The following ZFP92 variants were observed in gnomAD, a reference collection of about 807,000 sequenced individuals.
ZFP92 encodes zinc finger protein 92 homolog.
In ZFP92, 2 loss-of-function variants were observed where a neutral mutation model predicts 7.6. The observed-to-expected ratio is 0.26, with a 90% CI of 0.11 to 0.83. The LOEUF is 0.83. ZFP92 is among the 40% of genes least tolerant of loss of function. The pLI, the probability that ZFP92 is intolerant of heterozygous loss-of-function variation, is 0.65. For synonymous variants in ZFP92, 226 were observed against 183.6 expected, an observed-to-expected ratio of 1.23 and a Z score of -1.87; for missense variants, 324 against 408.3, an observed-to-expected ratio of 0.79 and a Z score of 1.78.
rs1556974729 is a variant in ZFP92, at chrX:153,420,665, G to A, written c.288G>A (p.Thr96=). Residue 96 remains threonine (T), a synonymous_variant, in exon 6 of 6, where the codon ACG becomes ACA. Transcript: ENST00000338647. ...CAGGTGACAGAACACAGAGCAAGAC[G>A]TCGACTTCAACGCAGAAGCATTCTG... ...LHIGDRTQSK[T]STSTQKHSGR... is the part of the protein sequence containing the mutation. 5 of 1,114,384 alleles carry A rather than the reference G, an allele frequency of 4.5e-6. No individual in the cohort carries two copies. In the South Asian group the frequency reaches 8.8e-5, roughly 20 times the overall value. The allele number at this position is 1,114,384 out of a possible 1,213,427, so 91.8% of individuals were successfully genotyped here.
rs933099989 is a variant in ZFP92, at chrX:153,418,761, G to A, written c.122G>A (p.Arg41Gln). 1.9e-4 allele frequency: 219 copies of A among 1,166,117 alleles called. No individual in the cohort carries two copies. The highest frequency in any genetic ancestry group is 2.2e-4 in the Non-Finnish European group (196 of 872,819). Residue 41 changes from arginine to glutamine, a missense_variant, in exon 4 of 6, where the codon CGG becomes CAG. Coordinates refer to ENST00000338647, the MANE Select transcript of ZFP92 (RefSeq NM_001136273.2). ...LDLRQKVLYK[R>Q]VMLENYSHLV... ...CTCAGACAAAAGGTCCTCTACAAGCGGGTGATGCTGGAGAACTATAGCCAT... is the reference window on the plus strand; with the variant it reads ...CTCAGACAAAAGGTCCTCTACAAGCAGGTGATGCTGGAGAACTATAGCCAT...
At chrX:153,418,459 G>C (rs782171835) in intron 3 of ZFP92, 104 bp downstream of exon 3, 1 of 1,058,526 alleles carries the variant, frequency 9.4e-7, no homozygotes, top group African/African-American at 1.9e-5. Context: ...GCTGCCCTTA[G>C]CATCGTTTTC....
At chrX:153,414,071 C>T (rs1270389380) in intron 2 of ZFP92, among the ~76,000 whole-genome samples, 1 of 112,681 alleles carries the variant, frequency 8.9e-6, no homozygotes, top group Non-Finnish European at 1.9e-5. Flanking sequence ...ACTCCTCCCC[C>T]TTTCAACTTG....
At chrX:153,419,656 T>A (rs964512983) in intron 4 of ZFP92, among the ~76,000 whole-genome samples, 2 of 111,711 alleles carry the variant, frequency 1.8e-5, no homozygotes, top group Non-Finnish European at 3.8e-5. Flanking sequence ...ATCCAGAGGG[T>A]CTTCAACATT....
Position 153,420,736 on chromosome X carries a change from A to G in ZFP92, c.359A>G (p.Gln120Arg), listed in dbSNP as rs1451961058. Residue 120 changes from glutamine to arginine, a missense_variant, in exon 6 of 6, where the codon CAG (glutamine) becomes CGG (arginine). Gln to Arg is a conservative substitution (Grantham distance 43). Coordinates refer to ENST00000338647, the MANE Select transcript of ZFP92 (RefSeq NM_001136273.2). Reference protein sequence around the residue: ...GADPQGGKEGQAARSSVLQRG... With the variant: ...GADPQGGKEGRAARSSVLQRG... ...GATCCACAAGGTGGCAAGGAGGGGC[A>G]GGCGGCGAGGTCGTCTGTGCTCCAG... 2 of 1,157,045 alleles carry G rather than the reference A, an allele frequency of 1.7e-6. No homozygotes were observed. The highest frequency in any genetic ancestry group is 2.3e-6 in the Non-Finnish European group (2 of 865,988).
At chrX:153,412,728 G>A (rs1006103314) in intron 2 of ZFP92, among the ~76,000 whole-genome samples, 1 of 111,601 alleles carries the variant, frequency 9.0e-6, no homozygotes, top group African/African-American at 3.3e-5. Flanking sequence ...AGCAGAGGGA[G>A]GTGCAGAGGT....
chrX:153,425,680 G>T lies in ZFP92; in HGVS notation c.*4052G>T, dbSNP rs2089038048. ...ATGACGCTGAGGCAACATGAGAGGGGACGTCTTTGACACCAGGGCCCCAGC... is the reference window on the plus strand; with the variant it reads ...ATGACGCTGAGGCAACATGAGAGGGTACGTCTTTGACACCAGGGCCCCAGC... On this transcript the variant is annotated 3_prime_UTR_variant, in exon 6 of 6. Coordinates refer to ENST00000338647, the MANE Select transcript of ZFP92 (RefSeq NM_001136273.2). 1 of 111,247 alleles carries T rather than the reference G, an allele frequency of 9.0e-6. No individual in the cohort carries two copies. The highest frequency in any genetic ancestry group is 1.9e-5 in the Non-Finnish European group (1 of 52,980). 9.2% of individuals were successfully genotyped at this position (111,247 alleles called of 1,213,427 possible).
chrX:153,420,105 A>T, intron 4 of ZFP92, 123 bp from the exon 5 acceptor site: 1 of 540,145 alleles, frequency 1.9e-6, no homozygotes, highest in Non-Finnish European at 2.9e-6. Context: ...GAGCCTTCCC[A>T]GTAGTGCTTT....
Position 153,420,247 on chromosome X carries a change from T to C in ZFP92, c.180T>C (p.Pro60=). ...LVSLGFSFSK[P]HLISQLERGE... ...GCCCAGGATTTTCCTTCTCCAAGCCTCACCTGATCTCCCAATTGGAACGAG... is the reference window on the plus strand; with the variant it reads ...GCCCAGGATTTTCCTTCTCCAAGCCCCACCTGATCTCCCAATTGGAACGAG... The change falls in exon 5 of 6, where the codon CCT becomes CCC. Residue 60 remains proline, a synonymous_variant. Transcript: ENST00000338647. The C allele has an allele frequency of 9.4e-6, 11 of 1,167,300 alleles. No individual in the cohort carries two copies. The highest frequency in any genetic ancestry group is 3.3e-5 in the East Asian group (1 of 30,754).
At position 153,420,926 on chromosome X, in the gene ZFP92, C is replaced by T; in HGVS notation, c.549C>T (p.Pro183=). ...IHSGEKPYAC[P]ECGKLFRRSF... is the part of the protein sequence containing the mutation. Reference sequence around the variant, plus strand: ...GTGGCGAGAAGCCTTACGCGTGCCCCGAGTGCGGCAAGCTGTTTCGCCGCA... The same window carrying T: ...GTGGCGAGAAGCCTTACGCGTGCCCTGAGTGCGGCAAGCTGTTTCGCCGCA... Residue 183 remains proline (P), a synonymous_variant, in exon 6 of 6, where the codon CCC becomes CCT. Coordinates refer to ENST00000338647, the MANE Select transcript of ZFP92 (RefSeq NM_001136273.2). 3.4e-6 allele frequency: 4 copies of T among 1,189,334 alleles called. No individual in the cohort carries two copies. In the South Asian group the frequency reaches 5.5e-5, roughly 16 times the overall value.
chrX:153,417,879 T>C (rs2088965943), intron 2 of ZFP92, among the ~76,000 whole-genome samples: 1 of 111,668 alleles, frequency 9.0e-6, no homozygotes, highest in East Asian at 2.8e-4. Context: ...AATCCAGTGA[T>C]TGGCATTCAC....
intron 2 of ZFP92, among the ~76,000 whole-genome samples, chrX:153,416,814 C>A (rs1256715170): frequency 9.0e-6 from 1 of 111,722 alleles, no homozygotes; most frequent in African/African-American, 3.3e-5. Flanking sequence ...CAAGACTGGG[C>A]GTCTGCATCT....
chrX:153,420,287 G>A lies in ZFP92; in HGVS notation c.220G>A (p.Val74Ile), dbSNP rs1556974665. Residue 74 changes from valine to isoleucine, a missense_variant, in exon 5 of 6, where the codon GTA (valine) becomes ATA (isoleucine). Coordinates refer to ENST00000338647, the MANE Select transcript of ZFP92 (RefSeq NM_001136273.2). Reference protein sequence around the residue: ...SQLERGEGPWVADIPRTWATA... With the variant: ...SQLERGEGPWIADIPRTWATA... ...ATTGGAACGAGGGGAAGGACCCTGG[G>A]TAGCAGACATCCCCAGAACCTGGGC... is the stretch of plus-strand genomic sequence containing the variant. 3 of 1,167,786 alleles carry A rather than the reference G, an allele frequency of 2.6e-6. No homozygotes were observed. Among genetic ancestry groups the A allele is most frequent in the Admixed American group, 2.6e-5 (1 of 38,735 alleles).
In ZFP92 at chrX:153,418,702, G is replaced by A. The variant is rs1556974360; in HGVS notation, c.63G>A (p.Val21=). The A allele has an allele frequency of 8.6e-7, 1 of 1,167,865 alleles. No homozygotes were observed. The highest frequency in any genetic ancestry group is 1.8e-5 in the African/African-American group (1 of 56,201). Residue 21 remains valine (V), a synonymous_variant, in exon 4 of 6, where the codon GTG becomes GTA. Coordinates refer to ENST00000338647, the MANE Select transcript of ZFP92 (RefSeq NM_001136273.2). The part of the protein sequence containing the change: ...KVPVSFEDVS[V]YFTKTEWKLL... Reference sequence around the variant, plus strand: ...CAGTATCTTTTGAGGATGTGTCCGTGTACTTCACAAAGACAGAATGGAAGC... The same window carrying A: ...CAGTATCTTTTGAGGATGTGTCCGTATACTTCACAAAGACAGAATGGAAGC...
Position 153,420,253 on chromosome X carries a change from G to T in ZFP92, c.186G>T (p.Leu62=). Reference sequence around the variant, plus strand: ...GATTTTCCTTCTCCAAGCCTCACCTGATCTCCCAATTGGAACGAGGGGAAG... The same window carrying T: ...GATTTTCCTTCTCCAAGCCTCACCTTATCTCCCAATTGGAACGAGGGGAAG... ...SLGFSFSKPH[L]ISQLERGEGP... Residue 62 remains leucine (L), a synonymous_variant, in exon 5 of 6, where the codon CTG becomes CTT. Transcript: ENST00000338647. 1 of 1,167,590 alleles carries T rather than the reference G, an allele frequency of 8.6e-7. No homozygotes were observed.
At chrX:153,411,873 C>T (rs2088910548) in intron 1 of ZFP92, among the ~76,000 whole-genome samples, 92 bp from the exon 2 acceptor site, 1 of 40,622 alleles carries the variant, frequency 2.5e-5, no homozygotes, top group East Asian at 8.6e-4. Context: ...GGGGCCGCCC[C>T]GTACCAGGGG....
rs1309636435 is a variant in ZFP92 at position 153,420,162 on chromosome X, C to T, written c.161-66C>T. 7.1e-6 allele frequency: 6 copies of T among 848,449 alleles called. No homozygotes were observed. In the Admixed American group the frequency reaches 2.1e-4, roughly 29 times the overall value. The allele number at this position is 848,449 out of a possible 1,213,427, so 69.9% of individuals were successfully genotyped here. A position where few individuals can be genotyped will look rare whatever the true frequency, so the allele number is the denominator to read the frequency against. Reference sequence around the variant, plus strand: ...GTTACCTGAAGATATTGAGAATTGCCTGAGTTCAGGAGCGACCCTGCCCTC... The same window carrying T: ...GTTACCTGAAGATATTGAGAATTGCTTGAGTTCAGGAGCGACCCTGCCCTC... On this transcript the variant is annotated intron_variant, in intron 4 of 5. Transcript: ENST00000338647.
In ZFP92 at chrX:153,420,528, G is replaced by C. The variant is rs192637144; in HGVS notation, c.266-115G>C. On this transcript the variant is annotated intron_variant, in intron 5 of 5. Coordinates refer to ENST00000338647, the MANE Select transcript of ZFP92 (RefSeq NM_001136273.2). ...CTTCATCTCTCCTGTCTGCCTGTGT[G>C]ATGGCTTTCTGTTCTGTGGTCACCT... The C allele has an allele frequency of 1.6e-5, 17 of 1,041,242 alleles. No individual in the cohort carries two copies. The African/African-American group carries it at 2.9e-4, about 18-fold the overall frequency. 85.8% of individuals were successfully genotyped at this position (1,041,242 alleles called of 1,213,427 possible).
rs1266877376 is a variant in ZFP92 at position 153,418,663 on chromosome X, C to T, written c.34-10C>T. The T allele has an allele frequency of 2.6e-6, 3 of 1,165,593 alleles. No individual in the cohort carries two copies. Among genetic ancestry groups the T allele is most frequent in the African/African-American group, 1.8e-5 (1 of 55,574 alleles). On this transcript the variant is annotated splice_polypyrimidine_tract_variant and intron_variant, in intron 3 of 5. Transcript: ENST00000338647. ...AATTCCCCTGTGGCCACAAGAATGC[C>T]TTATTTTAGGTGCCAGTATCTTTTG...
Sources: gnomAD v4.1 joint callset for allele counts (sites outside exome capture counted in the v4.1 genomes callset) on GRCh38, gnomAD v4.1.1 for gene constraint, MANE v1.5 for transcripts, NCBI Gene and HGNC (gene_info 2026-07-23, HGNC 2026-07-21) for gene names.